The following ARMC3 variants were observed in gnomAD, a reference collection of about 807,000 sequenced individuals.
ARMC3 encodes the protein armadillo repeat-containing protein 3.
A neutral mutation model predicts 90.3 loss-of-function variants in ARMC3; 74 were observed. That is an observed-to-expected ratio of 0.82 (90% confidence interval 0.68 to 0.99). The LOEUF (loss-of-function observed/expected upper bound fraction) is 0.99, where lower values mean the gene tolerates loss of function less well. Among genes scored for constraint, ARMC3 ranks in the 50% least tolerant of loss-of-function variants. The pLI, the probability that ARMC3 is intolerant of heterozygous loss-of-function variation, is 0.00. For synonymous variants in ARMC3, 334 were observed against 361.8 expected (o/e 0.92, Z 0.87); for missense variants, 958 against 1,042.8 (o/e 0.92, Z 1.12).
At chr10:22,961,859 A>G (rs754355253) in intron 6 of ARMC3, 25 bp from the exon 7 acceptor site, 57 of 1,540,600 alleles carry the variant, frequency 3.7e-5, no homozygotes, top group Non-Finnish European at 4.9e-5. Flanking sequence ...TAAAAAAATT[A>G]TTGATCATCT....
At chr10:23,022,040 T>G (rs917496882) in intron 16 of ARMC3, among the ~76,000 whole-genome samples, 1 of 152,234 alleles carries the variant, frequency 6.6e-6, no homozygotes, top group Non-Finnish European at 1.5e-5. Context: ...AACTCCCTGC[T>G]TCTTGGTGAA....
chr10:23,002,298 ATC>A (rs1158548671), intron 12 of ARMC3, among the ~76,000 whole-genome samples: 5 of 152,174 alleles, frequency 3.3e-5, no homozygotes, highest in African/African-American at 9.7e-5. Context: ...TAACCCCTTT[ATC>A]TTGATAAATG....
At chr10:22,928,515 GA>G (rs111969562) in intron 1 of ARMC3, among the ~76,000 whole-genome samples, 507 of 148,840 alleles carry the variant, frequency 3.4e-3, no homozygotes, top group Non-Finnish European at 5.8e-3. Flanking sequence ...ATCAACTCGT[GA>G]AAAAAAAAAT....
chr10:22,933,328 G>A (rs1834000240), intron 2 of ARMC3, among the ~76,000 whole-genome samples: 1 of 151,992 alleles, frequency 6.6e-6, no homozygotes, highest in Admixed American at 6.6e-5. Context: ...AGCATTAATG[G>A]CATCTGATTA....
Position 22,998,075 on chromosome 10 carries a change from G to T in ARMC3, c.1176-73G>T. On this transcript the variant is annotated intron_variant, in intron 10 of 18. Transcript: ENST00000298032. Reference sequence around the variant, plus strand: ...ATTTCTGTACTCATTTGTTTTAGCAGCTTAGTTGCATGCTCCAAAGATAAT... The same window carrying T: ...ATTTCTGTACTCATTTGTTTTAGCATCTTAGTTGCATGCTCCAAAGATAAT... 1 of 1,519,286 alleles carries T rather than the reference G, an allele frequency of 6.6e-7. No homozygotes were observed. The allele number at this position is 1,519,286 out of a possible 1,614,324, so 94.1% of individuals were successfully genotyped here.
chr10:23,012,675 A>C (rs1838070704), intron 16 of ARMC3, among the ~76,000 whole-genome samples: 1 of 152,086 alleles, frequency 6.6e-6, no homozygotes, highest in Non-Finnish European at 1.5e-5. Context: ...ATTTATCCCC[A>C]ATATGGAATG....
At chr10:22,986,415 G>A (rs569373786) in intron 10 of ARMC3, among the ~76,000 whole-genome samples, 6 of 151,856 alleles carry the variant, frequency 4.0e-5, no homozygotes, top group Non-Finnish European at 8.8e-5. Context: ...AGCCAGGAAT[G>A]GTGGTGCATA....
intron 16 of ARMC3, among the ~76,000 whole-genome samples, chr10:23,026,284 T>C (rs1838713665): frequency 6.6e-6 from 1 of 152,096 alleles, no homozygotes; most frequent in Non-Finnish European, 1.5e-5. Flanking sequence ...ACAAGGACAT[T>C]ACAAGAAAAT....
At chr10:23,018,570 C>G (rs11013245) in intron 16 of ARMC3, among the ~76,000 whole-genome samples, 16,830 of 135,332 alleles carry the variant, frequency 0.12, 1,375 homozygotes, top group African/African-American at 0.25. Flanking sequence ...AGGCTGGAGT[C>G]CTGTGGCTCA....
At chr10:23,001,185 AG>A in intron 11 of ARMC3, among the ~76,000 whole-genome samples, 1 of 152,172 alleles carries the variant, frequency 6.6e-6, no homozygotes, top group Admixed American at 6.5e-5. Context: ...CCTCAATCTT[AG>A]GGACTGTGTT....
chr10:22,969,909 G>A (rs1313825311), intron 8 of ARMC3, among the ~76,000 whole-genome samples: 2 of 152,180 alleles, frequency 1.3e-5, no homozygotes, highest in Non-Finnish European at 2.9e-5. Context: ...ATGTGCCACA[G>A]TACTGGAAAG....
intron 16 of ARMC3, among the ~76,000 whole-genome samples, chr10:23,027,021 C>T (rs1301556666): frequency 1.3e-5 from 2 of 152,190 alleles, no homozygotes; most frequent in Non-Finnish European, 2.9e-5. Context: ...ATTACTGTAG[C>T]TATATAGTAA....
Position 22,968,430 on chromosome 10 carries a change from C to T in ARMC3, c.857C>T (p.Ser286Phe). The T allele has an allele frequency of 6.2e-7, 1 of 1,611,958 alleles. No individual in the cohort carries two copies. The highest frequency in any genetic ancestry group is 8.5e-7 in the Non-Finnish European group (1 of 1,179,430). The change falls in exon 8 of 19, where the codon TCT becomes TTT. Residue 286 changes from serine (S) to phenylalanine (F), a missense_variant. Coordinates refer to ENST00000298032, the MANE Select transcript of ARMC3 (RefSeq NM_173081.5). ...AAGCTCCTGTCATTTGCAGAAAACT[C>T]TACAATTCCTGATATTCAGAAGAAT... Reference protein sequence around the residue: ...LKKLLSFAENSTIPDIQKNAA... With the variant: ...LKKLLSFAENFTIPDIQKNAA...
intron 2 of ARMC3, among the ~76,000 whole-genome samples, chr10:22,935,224 A>T (rs1834066846): frequency 6.6e-6 from 1 of 152,198 alleles, no homozygotes; most frequent in Non-Finnish European, 1.5e-5. Flanking sequence ...GTAGTGCAAC[A>T]TGCCCCCTCA....
chr10:23,035,228 T>C (rs1240422773), intron 18 of ARMC3, among the ~76,000 whole-genome samples: 1 of 152,140 alleles, frequency 6.6e-6, no homozygotes, highest in Non-Finnish European at 1.5e-5. Flanking sequence ...TCTCTTATTA[T>C]AGGGACACTA....
chr10:23,013,793 A>C (rs927948076), intron 16 of ARMC3, among the ~76,000 whole-genome samples: 2 of 151,896 alleles, frequency 1.3e-5, no homozygotes, highest in African/African-American at 4.8e-5. Context: ...GCCTGCACTG[A>C]TTTGTGTTGA....
intron 13 of ARMC3, 192 bp from the exon 14 acceptor site, chr10:23,006,692 C>T: frequency 1.8e-6 from 1 of 548,438 alleles, no homozygotes; most frequent in South Asian, 2.0e-5. Context: ...TGGATCTGTC[C>T]TGCCCAAAGG....
intron 8 of ARMC3, among the ~76,000 whole-genome samples, chr10:22,976,138 T>C (rs1334572137): frequency 6.6e-6 from 1 of 152,230 alleles, no homozygotes; most frequent in Non-Finnish European, 1.5e-5. Flanking sequence ...GAAGGTGATA[T>C]AAGTTCAGAG....
At position 22,959,457 on chromosome 10, in the gene ARMC3, C is replaced by T. The variant is rs1267090678; in HGVS notation, c.420C>T (p.Tyr140=). 3 of 1,613,840 alleles carry T rather than the reference C, an allele frequency of 1.9e-6. No homozygotes were observed. Among genetic ancestry groups the T allele is most frequent in the East Asian group, 2.2e-5 (1 of 44,854 alleles). The change falls in exon 6 of 19, where the codon TAC becomes TAT. Residue 140 remains tyrosine (Y), a synonymous_variant. Coordinates refer to ENST00000298032, the MANE Select transcript of ARMC3 (RefSeq NM_173081.5). The stretch of plus-strand genomic sequence containing the variant: ...GTCTAGCAAACATGTCTGCAGAGTA[C>T]ACCAGTAAAGTGCAAATATTTGAAC... ...SLCLANMSAE[Y]TSKVQIFEHG...
Sources: allele counts gnomAD v4.1 joint callset (sites outside exome capture counted in the v4.1 genomes callset), GRCh38; gene constraint gnomAD v4.1.1; transcripts MANE v1.5; gene names NCBI Gene and HGNC (gene_info 2026-07-23, HGNC 2026-07-21).